GDAP1L1: variants seen among roughly 807,000 people sequenced by gnomAD.
GDAP1L1 encodes the protein ganglioside-induced differentiation-associated protein 1-like 1.
In GDAP1L1, 21 loss-of-function variants were observed where a neutral mutation model predicts 37.1. The ratio of observed to expected loss-of-function variants is 0.57; its 90% CI spans 0.40 to 0.81. The LOEUF (loss-of-function observed/expected upper bound fraction) is 0.81, where lower values mean the gene tolerates loss of function less well. Ranked by LOEUF, GDAP1L1 falls within the 40% of genes least tolerant of loss-of-function variation. The pLI, the probability that GDAP1L1 is intolerant of heterozygous loss-of-function variation, is 0.00. For missense variants in GDAP1L1, 362 were observed against 491.6 expected, an observed-to-expected ratio of 0.74 and a Z score of 2.49; for synonymous variants, 193 against 209.1, an observed-to-expected ratio of 0.92 and a Z score of 0.67.
At chr20:44,264,247 C>G (rs1042292120) in intron 4 of GDAP1L1, among the ~76,000 whole-genome samples, 198 bp from the exon 5 acceptor site, 1 of 151,876 alleles carries the variant, frequency 6.6e-6, no homozygotes, top group East Asian at 1.9e-4. Context: ...TACTAGGGAT[C>G]TAGGCAGGAC....
chr20:44,247,239 G>A, upstream of GDAP1L1: 1 of 1,232,828 alleles, frequency 8.1e-7, no homozygotes, highest in South Asian at 1.3e-5. Context: ...GAGGGAGGGA[G>A]GAGAGGGGCA....
intron 5 of GDAP1L1, among the ~76,000 whole-genome samples, chr20:44,268,217 T>C (rs2062476184): frequency 6.6e-6 from 1 of 152,246 alleles, no homozygotes; most frequent in Non-Finnish European, 1.5e-5. Flanking sequence ...ATCAACCACC[T>C]CCTAGCTCTG....
At chr20:44,250,302 G>A (rs920461672) in intron 1 of GDAP1L1, among the ~76,000 whole-genome samples, 2 of 152,172 alleles carry the variant, frequency 1.3e-5, no homozygotes, top group African/African-American at 2.4e-5. Flanking sequence ...GTAATCCCGT[G>A]CAAGCTGCTT....
At chr20:44,255,182 C>T (rs1261266841) in intron 1 of GDAP1L1, among the ~76,000 whole-genome samples, 1 of 152,108 alleles carries the variant, frequency 6.6e-6, no homozygotes, top group Non-Finnish European at 1.5e-5. Context: ...ATTTCATCCT[C>T]ACAGCGGGCC....
At chr20:44,264,422 T>C in intron 4 of GDAP1L1, 23 bp from the exon 5 acceptor site, 1 of 1,461,288 alleles carries the variant, frequency 6.8e-7, no homozygotes, top group Non-Finnish European at 9.0e-7. Context: ...ACTCAGCTTC[T>C]CTTGGCCCTG....
At chr20:44,275,266 T>G (rs2062561144) in intron 5 of GDAP1L1, among the ~76,000 whole-genome samples, 1 of 152,192 alleles carries the variant, frequency 6.6e-6, no homozygotes, top group Admixed American at 6.5e-5. Context: ...TTTACCCCTT[T>G]CCCTGTGACT....
At chr20:44,263,459 T>C in intron 4 of GDAP1L1, 132 bp downstream of exon 4, 1 of 700,366 alleles carries the variant, frequency 1.4e-6, no homozygotes, top group Non-Finnish European at 2.5e-6. Context: ...TTTCCAATCC[T>C]GTCCCCTGCC....
intron 5 of GDAP1L1, among the ~76,000 whole-genome samples, chr20:44,274,921 GTC>G (rs981154337): frequency 6.6e-6 from 1 of 152,072 alleles, no homozygotes; most frequent in Admixed American, 6.6e-5. Context: ...TTGAGACAGG[GTC>G]TCTCTGTCAC....
At chr20:44,267,351 T>C (rs965439338) in intron 5 of GDAP1L1, among the ~76,000 whole-genome samples, 15 of 152,344 alleles carry the variant, frequency 9.8e-5, no homozygotes, top group African/African-American at 3.6e-4. Context: ...GGCTCACGCC[T>C]GTAACCCCAA....
intron 5 of GDAP1L1, among the ~76,000 whole-genome samples, chr20:44,268,611 G>T (rs2062480346): frequency 6.6e-6 from 1 of 152,216 alleles, no homozygotes; most frequent in Non-Finnish European, 1.5e-5. Flanking sequence ...AAATGAGCAG[G>T]ATAAAGTGGA....
chr20:44,251,620 A>T (rs2145987230), intron 1 of GDAP1L1, among the ~76,000 whole-genome samples: 1 of 152,226 alleles, frequency 6.6e-6, no homozygotes, highest in East Asian at 1.9e-4. Context: ...AGGAAAGCTG[A>T]TGGGGGCAGC....
intron 5 of GDAP1L1, among the ~76,000 whole-genome samples, chr20:44,266,545 G>A (rs1013712547): frequency 1.3e-5 from 2 of 152,070 alleles, no homozygotes; most frequent in South Asian, 4.2e-4. Context: ...AAATACTACA[G>A]ACTGAGGGGC....
chr20:44,270,126 T>G (rs1002921434), intron 5 of GDAP1L1, among the ~76,000 whole-genome samples: 23 of 151,686 alleles, frequency 1.5e-4, no homozygotes, highest in African/African-American at 2.2e-4. Context: ...TAGTTATCTG[T>G]GTGGCATAAG....
At chr20:44,261,117 G>A (rs530817023) in intron 3 of GDAP1L1, among the ~76,000 whole-genome samples, 1 of 152,314 alleles carries the variant, frequency 6.6e-6, no homozygotes, top group East Asian at 1.9e-4. Context: ...CTCTGAGGAG[G>A]CAGAGAGGAT....
chr20:44,263,759 G>A (rs971451200), intron 4 of GDAP1L1, among the ~76,000 whole-genome samples: 1 of 152,200 alleles, frequency 6.6e-6, no homozygotes, highest in African/African-American at 2.4e-5. Flanking sequence ...CAAGGAAATT[G>A]CCTGAACCTG....
chr20:44,258,309 GC>G (rs1382779204), intron 2 of GDAP1L1, 124 bp from the exon 3 acceptor site: 4 of 936,204 alleles, frequency 4.3e-6, no homozygotes. Flanking sequence ...CAGCAGCCAA[GC>G]CCGAGCATGG....
chr20:44,272,125 A>G (rs909142186), intron 5 of GDAP1L1, among the ~76,000 whole-genome samples: 19 of 152,292 alleles, frequency 1.2e-4, no homozygotes, highest in Admixed American at 1.2e-3. Context: ...CGGGGGGTGG[A>G]GCCAGCAAGT....
intron 1 of GDAP1L1, among the ~76,000 whole-genome samples, chr20:44,255,435 G>A (rs951635041): frequency 5.3e-5 from 8 of 150,932 alleles, no homozygotes; most frequent in East Asian, 1.9e-4. Flanking sequence ...CCAGCTACTC[G>A]GGAGGCTGAG....
intron 5 of GDAP1L1, among the ~76,000 whole-genome samples, chr20:44,267,723 C>A (rs2146034603): frequency 6.6e-6 from 1 of 152,218 alleles, no homozygotes; most frequent in Non-Finnish European, 1.5e-5. Flanking sequence ...CAGTGCCCGG[C>A]ACACAGTACA....
Sources: allele counts gnomAD v4.1 joint callset (sites outside exome capture counted in the v4.1 genomes callset), GRCh38; gene constraint gnomAD v4.1.1; transcripts MANE v1.5; gene names NCBI Gene and HGNC (gene_info 2026-07-23, HGNC 2026-07-21).